GRID2: variants seen among roughly 807,000 people sequenced by gnomAD.
GRID2 encodes glutamate receptor ionotropic, delta-2.
Under a neutral mutation model 114.8 loss-of-function variants are expected in GRID2, and 33 were observed. The ratio of observed to expected loss-of-function variants is 0.29; its 90% CI spans 0.22 to 0.38. The LOEUF (loss-of-function observed/expected upper bound fraction) is 0.38. Ranked by LOEUF, GRID2 falls within the 10% of genes least tolerant of loss-of-function variation. The pLI is 1.00. For missense variants in GRID2, 1,184 were observed against 1,257.7 expected (o/e 0.94, Z 0.89); for synonymous variants, 505 against 449.9 (o/e 1.12, Z -1.55).
chr4:93,599,207 C>T (rs1420841244), intron 13 of GRID2, among the ~76,000 whole-genome samples: 1 of 152,272 alleles, frequency 6.6e-6, no homozygotes, highest in Non-Finnish European at 1.5e-5. Context: ...GAATCACCTG[C>T]AGCACTCTGT....
chr4:92,949,165 T>TGA (rs374366766), intron 2 of GRID2, among the ~76,000 whole-genome samples: 11 of 150,448 alleles, frequency 7.3e-5, no homozygotes, highest in East Asian at 1.9e-4. Flanking sequence ...TGTGTGTGTG[T>TGA]GAGAGAGAGA....
chr4:93,694,275 A>G (rs1024512445), intron 14 of GRID2, among the ~76,000 whole-genome samples: 1 of 152,086 alleles, frequency 6.6e-6, no homozygotes, highest in East Asian at 1.9e-4. Flanking sequence ...TTGCCTGGCC[A>G]TGTACCCAAC....
chr4:93,225,489 C>A (rs1031988296), intron 7 of GRID2, among the ~76,000 whole-genome samples: 1 of 152,136 alleles, frequency 6.6e-6, no homozygotes, highest in Non-Finnish European at 1.5e-5. Flanking sequence ...ATTAATAAAA[C>A]AAACAAATTC....
intron 4 of GRID2, among the ~76,000 whole-genome samples, chr4:93,118,131 G>A (rs1733453706): frequency 6.6e-6 from 1 of 152,146 alleles, no homozygotes. Context: ...ATGACAGTCT[G>A]TAGTCTACGG....
intron 9 of GRID2, among the ~76,000 whole-genome samples, chr4:93,415,607 C>T (rs1469503220): frequency 6.6e-6 from 1 of 151,946 alleles, no homozygotes; most frequent in African/African-American, 2.4e-5. Flanking sequence ...GTTTGGTGAC[C>T]TTGTATTCCC....
chr4:92,829,385 G>A (rs539174319), intron 2 of GRID2, among the ~76,000 whole-genome samples: 3 of 152,148 alleles, frequency 2.0e-5, no homozygotes, highest in African/African-American at 4.8e-5. Context: ...AACCACAACA[G>A]GATACCATCT....
intron 1 of GRID2, among the ~76,000 whole-genome samples, chr4:92,381,807 G>C (rs1275119165): frequency 6.6e-6 from 1 of 151,914 alleles, no homozygotes; most frequent in Admixed American, 6.6e-5. Flanking sequence ...ATGTTCTCTT[G>C]TGCTTGTGGT....
chr4:93,420,277 G>T (rs562011517), intron 9 of GRID2, among the ~76,000 whole-genome samples: 1 of 152,086 alleles, frequency 6.6e-6, no homozygotes, highest in African/African-American at 2.4e-5. Flanking sequence ...AGAACTTTAT[G>T]ATCTTATTTA....
chr4:92,435,549 C>T (rs943805982), intron 1 of GRID2, among the ~76,000 whole-genome samples: 34 of 152,146 alleles, frequency 2.2e-4, no homozygotes, highest in African/African-American at 8.2e-4. Flanking sequence ...TACAATAAAC[C>T]AGAGTGAGAC....
At chr4:92,555,257 A>T (rs1726795564) in intron 1 of GRID2, among the ~76,000 whole-genome samples, 1 of 152,172 alleles carries the variant, frequency 6.6e-6, no homozygotes, top group Admixed American at 6.6e-5. Flanking sequence ...CGCAGTTAGC[A>T]TTTGTGTTGA....
chr4:93,144,216 A>G (rs1305677822), intron 4 of GRID2, among the ~76,000 whole-genome samples: 1 of 152,166 alleles, frequency 6.6e-6, no homozygotes, highest in East Asian at 1.9e-4. Context: ...ACTCAAGATG[A>G]TGGAGATGAA....
intron 4 of GRID2, among the ~76,000 whole-genome samples, chr4:93,174,239 C>G (rs1247498973): frequency 6.6e-6 from 1 of 152,130 alleles, no homozygotes; most frequent in East Asian, 1.9e-4. Flanking sequence ...TCTAAAGTCT[C>G]CTTTGTGCTA....
At chr4:92,650,008 T>G (rs1173514227) in intron 2 of GRID2, among the ~76,000 whole-genome samples, 1 of 152,000 alleles carries the variant, frequency 6.6e-6, no homozygotes. Context: ...TGCATATCAC[T>G]TTCACACCAT....
chr4:93,040,299 G>A lies in GRID2; in HGVS notation c.245-44696G>A, dbSNP rs796881470. Among the ~76,000 whole-genome samples the A allele has an allele frequency of 5.7e-3, 851 of 148,860 alleles. 7 individuals carry two copies. The highest frequency in any genetic ancestry group is 0.014 in the Middle Eastern group (4 of 286). On this transcript the variant is annotated intron_variant, in intron 2 of 15. Transcript: ENST00000282020. ...TTACAGAATCACAAAAAAAAAAAAA[G>A]AAAGAAAACATCACTAACAATGAAA...
intron 2 of GRID2, among the ~76,000 whole-genome samples, chr4:92,628,854 G>C (rs938116288): frequency 6.6e-6 from 1 of 151,848 alleles, no homozygotes; most frequent in Admixed American, 6.6e-5. Context: ...GATTCCTGTC[G>C]TCTCCAAATC....
chr4:93,479,451 A>G lies in GRID2; in HGVS notation c.1859-11188A>G, dbSNP rs138088566. Among the ~76,000 whole-genome samples, 159 of 152,270 alleles carry G rather than the reference A, an allele frequency of 1.0e-3. 4 individuals are homozygous for G. The East Asian group carries it at 0.027, about 26-fold the overall frequency. The stretch of plus-strand genomic sequence containing the variant: ...ATTAGAGAAATTGGCTCACATGATT[A>G]TGGAGGCTGAGAATTCTCATGACAG... On this transcript the variant is annotated intron_variant, in intron 11 of 15. Transcript: ENST00000282020.
At chr4:92,712,097 T>C in intron 2 of GRID2, among the ~76,000 whole-genome samples, 1 of 151,874 alleles carries the variant, frequency 6.6e-6, no homozygotes, top group East Asian at 1.9e-4. Context: ...ACCATACTAA[T>C]CTGATCAACA....
chr4:92,336,952 TTG>T (rs1304367587), intron 1 of GRID2, among the ~76,000 whole-genome samples: 3,125 of 90,052 alleles, frequency 0.035, 98 homozygotes, highest in African/African-American at 0.098. Flanking sequence ...TCTTTCGTTG[TTG>T]TTTTTTTTTT....
intron 2 of GRID2, among the ~76,000 whole-genome samples, chr4:92,932,140 C>A (rs1023147473): frequency 6.6e-6 from 1 of 150,746 alleles, no homozygotes; most frequent in Non-Finnish European, 1.5e-5. Context: ...GAAAAAGAGT[C>A]GGGAAAAGTA....
Sources: allele counts gnomAD v4.1 joint callset (sites outside exome capture counted in the v4.1 genomes callset), GRCh38; gene constraint gnomAD v4.1.1; transcripts MANE v1.5; gene names NCBI Gene and HGNC (gene_info 2026-07-23, HGNC 2026-07-21).